Variants in CPXM2 observed in about 807,000 individuals in gnomAD.
CPXM2 encodes the protein inactive carboxypeptidase-like protein X2.
In CPXM2, 66 loss-of-function variants were observed where a neutral mutation model predicts 86.1. That is an observed-to-expected ratio of 0.77 (90% CI 0.63 to 0.94). CPXM2 has a LOEUF of 0.94. Ranked by LOEUF, CPXM2 falls within the 40% of genes least tolerant of loss-of-function variation. The pLI, the probability that CPXM2 is intolerant of heterozygous loss-of-function variation, is 0.00. For synonymous variants in CPXM2, 388 were observed against 400.2 expected (o/e 0.97, Z 0.36); for missense variants, 948 against 1,026.3 (o/e 0.92, Z 1.04).
At chr10:123,934,665 G>A (rs925954791) in intron 2 of CPXM2, among the ~76,000 whole-genome samples, 21 of 152,046 alleles carry the variant, frequency 1.4e-4, no homozygotes, top group African/African-American at 2.9e-4. Flanking sequence ...GGCACTCTGC[G>A]AACCACGCAC....
Position 123,761,981 on chromosome 10 carries a change from G to C in CPXM2, c.1668C>G (p.Ala556=), listed in dbSNP as rs750058389. 6.2e-7 allele frequency: 1 copy of C among 1,613,886 alleles called. No individual in the cohort carries two copies. ...CGTCTGTCATGAGGCGGTGTGTGGA[G>C]GCATAGGAGTAGGCCAGCCAGCGGA... is the stretch of plus-strand genomic sequence containing the variant. The part of the protein sequence containing the change: ...HVFRWLAYSY[A]STHRLMTDAR... The change falls in exon 11 of 14, where the codon GCC becomes GCG. Residue 556 remains alanine, a synonymous_variant. Coordinates refer to ENST00000241305, the MANE Select transcript of CPXM2 (RefSeq NM_198148.3).
chr10:123,750,746 T>TA (rs1846054265), intron 13 of CPXM2: 1 of 985,202 alleles, frequency 1.0e-6, no homozygotes, highest in South Asian at 4.7e-5. Context: ...GTGTGTGGGT[T>TA]CACACAGTCA....
At chr10:123,914,526 T>C (rs1945518791) in intron 2 of CPXM2, among the ~76,000 whole-genome samples, 1 of 152,098 alleles carries the variant, frequency 6.6e-6, no homozygotes, top group South Asian at 2.1e-4. Context: ...TGCCTCCAGG[T>C]CCCAAACTTC....
intron 2 of CPXM2, among the ~76,000 whole-genome samples, chr10:123,864,913 G>C (rs960859426): frequency 6.6e-6 from 1 of 152,216 alleles, no homozygotes; most frequent in African/African-American, 2.4e-5. Flanking sequence ...TACATAAGGG[G>C]TGAAAAGAAA....
chr10:123,917,356 A>G (rs1388268267), intron 2 of CPXM2, among the ~76,000 whole-genome samples: 2 of 152,264 alleles, frequency 1.3e-5, no homozygotes, highest in Admixed American at 1.3e-4. Flanking sequence ...GTCATTTCTT[A>G]ACACCCAGCC....
intron 4 of CPXM2, among the ~76,000 whole-genome samples, chr10:123,828,140 T>C (rs535683271): frequency 6.6e-6 from 1 of 151,762 alleles, no homozygotes; most frequent in South Asian, 2.1e-4. Context: ...CACTGCACTA[T>C]AGCCTAGGTA....
chr10:123,754,732 C>CCT lies in CPXM2; in HGVS notation c.1947_1948insAG (p.Asp650ArgfsTer15). ...TTTGGGATTCCTTTTCCATGTGAAT[C>CCT]TCTCACCAAGCCTTTAATGCCACGA... On this transcript the variant is annotated frameshift_variant, in exon 13 of 14. Transcript: ENST00000241305. LOFTEE classifies it high-confidence loss of function. This position sits in a 1 kb window ranked among gnomAD's most constrained non-coding sequence, Gnocchi z 4.0. The CCT allele has an allele frequency of 6.2e-7, 1 of 1,611,002 alleles. No individual in the cohort carries two copies. The highest frequency in any genetic ancestry group is 1.1e-5 in the South Asian group (1 of 91,016).
At chr10:123,829,166 C>T (rs776232052) in intron 4 of CPXM2, among the ~76,000 whole-genome samples, 10 of 152,054 alleles carry the variant, frequency 6.6e-5, no homozygotes, top group South Asian at 2.1e-4. Context: ...AAGATGGTGA[C>T]GAGATATCAT....
intron 4 of CPXM2, among the ~76,000 whole-genome samples, chr10:123,831,365 T>C (rs1426029955): frequency 1.3e-5 from 2 of 152,144 alleles, no homozygotes; most frequent in East Asian, 1.9e-4. Flanking sequence ...CTCTGTCCAG[T>C]GTTGAGCAGG....
At chr10:123,802,240 A>G (rs962156346) in intron 4 of CPXM2, among the ~76,000 whole-genome samples, 2 of 152,204 alleles carry the variant, frequency 1.3e-5, no homozygotes, top group Admixed American at 6.5e-5. Context: ...CTGAAGACCA[A>G]TTAGAAAGTA....
At chr10:123,765,630 T>C (rs1251395547) in intron 10 of CPXM2, among the ~76,000 whole-genome samples, 1 of 152,188 alleles carries the variant, frequency 6.6e-6, no homozygotes, top group Non-Finnish European at 1.5e-5. Context: ...GAGAGCAGAT[T>C]TAGAAGATGG....
intron 1 of CPXM2, among the ~76,000 whole-genome samples, chr10:123,880,824 G>A (rs1188906895): frequency 2.4e-4 from 9 of 37,784 alleles, no homozygotes; most frequent in East Asian, 1.3e-3. Context: ...GCGAGATTCC[G>A]TCTCAAAAAA....
intron 4 of CPXM2, among the ~76,000 whole-genome samples, chr10:123,817,909 A>G (rs1383380907): frequency 7.9e-5 from 12 of 152,298 alleles, no homozygotes; most frequent in Admixed American, 6.5e-5. Context: ...CAGAACTTTG[A>G]GCAGTGTACC....
intron 4 of CPXM2, among the ~76,000 whole-genome samples, chr10:123,818,347 A>G (rs1330741780): frequency 6.6e-6 from 1 of 152,146 alleles, no homozygotes; most frequent in East Asian, 1.9e-4. Context: ...GGCTATGGCC[A>G]CTGCTGAGTA....
chr10:123,866,555 A>T (rs1848985060), intron 2 of CPXM2, among the ~76,000 whole-genome samples: 1 of 127,868 alleles, frequency 7.8e-6, no homozygotes, highest in Non-Finnish European at 1.6e-5. Context: ...ACACAGTGAG[A>T]CACTGTCTCA....
chr10:123,789,313 C>T (rs1182459939), intron 6 of CPXM2, among the ~76,000 whole-genome samples: 2 of 152,206 alleles, frequency 1.3e-5, no homozygotes, highest in Non-Finnish European at 2.9e-5. Context: ...AACCTCTGTG[C>T]TTATTCACTC....
intron 4 of CPXM2, among the ~76,000 whole-genome samples, chr10:123,810,610 C>T (rs919514648): frequency 9.2e-5 from 14 of 152,040 alleles, no homozygotes; most frequent in Non-Finnish European, 1.9e-4. Context: ...AAATAAGGTA[C>T]TTACACTTAC....
At chr10:123,839,292 C>T (rs1848338180) in intron 4 of CPXM2, among the ~76,000 whole-genome samples, 1 of 152,160 alleles carries the variant, frequency 6.6e-6, no homozygotes, top group Non-Finnish European at 1.5e-5. Flanking sequence ...GCTCCAGACA[C>T]CTGTGGCTTC....
At position 123,891,650 on chromosome 10, in the gene CPXM2, G is replaced by A. The variant is rs1945275837; in HGVS notation, c.10C>T (p.Pro4Ser). 1 of 1,443,214 alleles carries A rather than the reference G, an allele frequency of 6.9e-7. No individual in the cohort carries two copies. Among genetic ancestry groups the A allele is most frequent in the South Asian group, 1.5e-5 (1 of 67,804 alleles). The allele number at this position is 1,443,214 out of a possible 1,614,324, so 89.4% of individuals were successfully genotyped here. Residue 4 changes from proline to serine, a missense_variant, in exon 1 of 14, where the codon CCG (proline) becomes TCG (serine). Transcript: ENST00000241305. The surrounding 1 kb of genome is among the most constrained non-coding windows in gnomAD (Gnocchi z 5.6). ...GCCAGCGCTGGGGTAGCGGTCCCCGGGCGGGACATGCCTGCTCCGCCCCGC... is the reference window on the plus strand; with the variant it reads ...GCCAGCGCTGGGGTAGCGGTCCCCGAGCGGGACATGCCTGCTCCGCCCCGC... MSR[P>S]GTATPALALV...
Sources: allele counts gnomAD v4.1 joint callset (sites outside exome capture counted in the v4.1 genomes callset), GRCh38; gene constraint gnomAD v4.1.1; non-coding constraint Gnocchi (gnomAD v3.1); transcripts MANE v1.5; gene names NCBI Gene and HGNC (gene_info 2026-07-23, HGNC 2026-07-21).